Variants in RPS6KC1 observed in about 807,000 individuals in gnomAD.
RPS6KC1 encodes ribosomal protein S6 kinase C1.
Under a neutral mutation model 103.8 loss-of-function variants are expected in RPS6KC1, and 54 were observed. The observed-to-expected ratio is 0.52, with a 90% CI of 0.42 to 0.65. The LOEUF (loss-of-function observed/expected upper bound fraction) is 0.65. Among genes scored for constraint, RPS6KC1 ranks in the 30% least tolerant of loss-of-function variants. The pLI is 0.00. For synonymous variants in RPS6KC1, 439 were observed against 438.7 expected (o/e 1.00, Z -0.01); for missense variants, 1,151 against 1,253.8 (o/e 0.92, Z 1.24).
chr1:213,453,328 A>T, the RPS6KC1 span, among the ~76,000 whole-genome samples: 1 of 152,162 alleles, frequency 6.6e-6, no homozygotes, highest in African/African-American at 2.4e-5. Flanking sequence ...AAAGATAATC[A>T]TGCCCACAGA....
At chr1:213,741,985 A>G in the RPS6KC1 span, among the ~76,000 whole-genome samples, 4 of 152,350 alleles carry the variant, frequency 2.6e-5, no homozygotes, top group Middle Eastern at 3.4e-3. Flanking sequence ...ACATAGACAC[A>G]TGATGGTAGC....
At chr1:213,246,250 A>G (rs889808180) in intron 12 of RPS6KC1, among the ~76,000 whole-genome samples, 1 of 152,174 alleles carries the variant, frequency 6.6e-6, no homozygotes, top group African/African-American at 2.4e-5. Context: ...AATAAACATC[A>G]TTCATGGTAA....
intron 1 of RPS6KC1, among the ~76,000 whole-genome samples, chr1:213,064,588 G>A (rs2078135663): frequency 6.6e-6 from 1 of 151,080 alleles, no homozygotes; most frequent in Non-Finnish European, 1.5e-5. Context: ...GGCTGTTCTT[G>A]AATTCCTGAC....
chr1:213,706,485 C>G, the RPS6KC1 span, among the ~76,000 whole-genome samples: 3 of 152,236 alleles, frequency 2.0e-5, no homozygotes, highest in Non-Finnish European at 4.4e-5. Flanking sequence ...TTTTTCCTAC[C>G]TATTTAGTGC....
In RPS6KC1 at chr1:213,051,315, G is replaced by C; in HGVS notation, c.-90G>C. On this transcript the variant is annotated 5_prime_UTR_variant, in exon 1 of 15. Coordinates refer to ENST00000366960, the MANE Select transcript of RPS6KC1 (RefSeq NM_012424.6). ...GGAGCCACCGCCCCCTCGCCGCTTC[G>C]CCGCTGCGTTGGGGAACCTGGACCG... is the stretch of plus-strand genomic sequence containing the variant. 1 of 962,886 alleles carries C rather than the reference G, an allele frequency of 1.0e-6. No individual in the cohort carries two copies. Among genetic ancestry groups the C allele is most frequent in the Non-Finnish European group, 1.6e-6 (1 of 622,138 alleles). 59.6% of individuals were successfully genotyped at this position (962,886 alleles called of 1,614,324 possible). A position where few individuals can be genotyped will look rare whatever the true frequency, so the allele number is the denominator to read the frequency against.
At chr1:213,109,117 G>T (rs1280924274) in intron 4 of RPS6KC1, among the ~76,000 whole-genome samples, 1 of 152,016 alleles carries the variant, frequency 6.6e-6, no homozygotes, top group Non-Finnish European at 1.5e-5. Flanking sequence ...AAAATGAAAT[G>T]ACTCTATATT....
the RPS6KC1 span, among the ~76,000 whole-genome samples, chr1:213,855,042 G>C: frequency 1.3e-5 from 2 of 152,250 alleles, no homozygotes; most frequent in African/African-American, 4.8e-5. Context: ...TGGGGAAACA[G>C]GGAGAGCAAG....
chr1:213,215,606 A>C (rs1017525359), intron 8 of RPS6KC1, among the ~76,000 whole-genome samples: 5 of 152,194 alleles, frequency 3.3e-5, no homozygotes, highest in Non-Finnish European at 7.3e-5. Flanking sequence ...ATGGAGGAAA[A>C]AATGTTAAGG....
chr1:213,627,479 G>C, the RPS6KC1 span, among the ~76,000 whole-genome samples: 2 of 152,110 alleles, frequency 1.3e-5, no homozygotes, highest in East Asian at 3.9e-4. Context: ...AGTGGTGAGA[G>C]AGGGCATCCC....
chr1:213,563,809 G>C, the RPS6KC1 span, among the ~76,000 whole-genome samples: 1 of 151,808 alleles, frequency 6.6e-6, no homozygotes, highest in African/African-American at 2.4e-5. Context: ...TCTTCATATG[G>C]TTGGCCAGTA....
At chr1:213,779,095 T>C in the RPS6KC1 span, among the ~76,000 whole-genome samples, 1 of 152,042 alleles carries the variant, frequency 6.6e-6, no homozygotes, top group African/African-American at 2.4e-5. Context: ...AAGAAAAATA[T>C]GGGAAAGAAA....
chr1:213,200,207 A>G (rs886873355), intron 8 of RPS6KC1, among the ~76,000 whole-genome samples: 1 of 152,236 alleles, frequency 6.6e-6, no homozygotes, highest in Admixed American at 6.5e-5. Context: ...ACAAAGCTGT[A>G]GGCATCATGC....
the RPS6KC1 span, among the ~76,000 whole-genome samples, chr1:213,432,038 G>A: frequency 1.8e-4 from 28 of 152,216 alleles, no homozygotes; most frequent in East Asian, 1.2e-3. Context: ...CATTTCCCAC[G>A]TGCCTAATGA....
chr1:213,648,415 C>A, the RPS6KC1 span, among the ~76,000 whole-genome samples: 1 of 152,298 alleles, frequency 6.6e-6, no homozygotes, highest in East Asian at 1.9e-4. Context: ...TGTCTGCTGA[C>A]TCCTGGCCTC....
the RPS6KC1 span, among the ~76,000 whole-genome samples, chr1:213,320,590 G>C: frequency 1.3e-5 from 2 of 152,174 alleles, no homozygotes; most frequent in Non-Finnish European, 2.9e-5. Flanking sequence ...TTATTGACTA[G>C]AGTGACTACT....
chr1:213,254,758 G>A (rs553823209), intron 12 of RPS6KC1, among the ~76,000 whole-genome samples: 1 of 152,084 alleles, frequency 6.6e-6, no homozygotes, highest in Non-Finnish European at 1.5e-5. Context: ...TTGAGTTTTT[G>A]TGGGAATAAA....
At chr1:213,407,292 G>A in the RPS6KC1 span, among the ~76,000 whole-genome samples, 3 of 152,044 alleles carry the variant, frequency 2.0e-5, no homozygotes, top group East Asian at 1.9e-4. Flanking sequence ...CACAAAGGGC[G>A]GCATGATTCT....
chr1:213,151,377 G>C (rs1256295711), intron 6 of RPS6KC1, among the ~76,000 whole-genome samples: 1 of 127,550 alleles, frequency 7.8e-6, no homozygotes, highest in Non-Finnish European at 1.7e-5. Flanking sequence ...CGGACGGGGC[G>C]GCTGGCCGGG....
At chr1:213,681,230 C>T in the RPS6KC1 span, among the ~76,000 whole-genome samples, 2 of 152,188 alleles carry the variant, frequency 1.3e-5, no homozygotes, top group African/African-American at 2.4e-5. Flanking sequence ...GAATCTCAGC[C>T]AGTTATCACT....
Sources: allele counts gnomAD v4.1 joint callset (sites outside exome capture counted in the v4.1 genomes callset), GRCh38; gene constraint gnomAD v4.1.1; transcripts MANE v1.5; gene names NCBI Gene and HGNC (gene_info 2026-07-23, HGNC 2026-07-21).